The following KDM5B variants were observed in gnomAD, a reference collection of about 807,000 sequenced individuals.
The protein encoded by KDM5B is lysine demethylase 5B.
KDM5B carries 144 observed loss-of-function variants against 193.4 expected under a neutral mutation model. The ratio of observed to expected loss-of-function variants is 0.74; its 90% CI spans 0.65 to 0.86. The LOEUF (loss-of-function observed/expected upper bound fraction) is 0.86. Ranked by LOEUF, KDM5B falls within the 40% of genes least tolerant of loss-of-function variation. KDM5B has a pLI of 0.00. For synonymous variants in KDM5B, 668 were observed against 682.6 expected (o/e 0.98, Z 0.33); for missense variants, 1,833 against 1,886.9 (o/e 0.97, Z 0.53).
chr1:202,732,041 G>GGA, intron 23 of KDM5B, 102 bp from the exon 24 acceptor site: 1 of 548,212 alleles, frequency 1.8e-6, no homozygotes, highest in Non-Finnish European at 3.1e-6. Flanking sequence ...GGCAACCAGG[G>GGA]GAAAAAAAAA....
Position 202,728,936 on chromosome 1 carries a change from G to A in KDM5B, c.*100C>T. 7.3e-7 allele frequency: 1 copy of A among 1,364,430 alleles called. No individual in the cohort carries two copies. Among genetic ancestry groups the A allele is most frequent in the Non-Finnish European group, 1.0e-6 (1 of 965,452 alleles). The allele number at this position is 1,364,430 out of a possible 1,614,324, so 84.5% of individuals were successfully genotyped here. On this transcript the variant is annotated 3_prime_UTR_variant, in exon 27 of 27. Coordinates refer to ENST00000367265, the MANE Select transcript of KDM5B (RefSeq NM_006618.5). ...ATAGAAATAGCACCGTTTACAGGCT[G>A]GCTTGAGTACCAGTCCTGTAGCTTT...
At chr1:202,758,667 G>GT (rs1452777023) in intron 8 of KDM5B, among the ~76,000 whole-genome samples, 157 bp from the exon 9 acceptor site, 3 of 152,106 alleles carry the variant, frequency 2.0e-5, no homozygotes, top group African/African-American at 7.2e-5. Context: ...GAAAAATGTG[G>GT]TTATTTTAAT....
At chr1:202,790,572 T>A (rs1391130525) in intron 1 of KDM5B, among the ~76,000 whole-genome samples, 1 of 151,608 alleles carries the variant, frequency 6.6e-6, no homozygotes, top group African/African-American at 2.4e-5. Flanking sequence ...ATACAAAAAT[T>A]AGCTGGGCGT....
At chr1:202,751,106 C>G (rs1373352715) in intron 12 of KDM5B, among the ~76,000 whole-genome samples, 1 of 152,100 alleles carries the variant, frequency 6.6e-6, no homozygotes, top group East Asian at 1.9e-4. Flanking sequence ...GTAGCATCTT[C>G]TACCACCAAT....
rs765825185 is a variant in KDM5B, at chr1:202,753,008, A to G, written c.1598T>C (p.Val533Ala). 6.2e-7 allele frequency: 1 copy of G among 1,614,130 alleles called. No individual in the cohort carries two copies. The highest frequency in any genetic ancestry group is 8.5e-7 in the Non-Finnish European group (1 of 1,179,996). The change falls in exon 12 of 27, where the codon GTA becomes GCA. Residue 533 changes from valine (V) to alanine (A), a missense_variant. Physicochemically the swap from Val to Ala is moderately conservative, Grantham distance 64. Around this residue, in one of 3 missense-constraint regions of KDM5B, gnomAD observed 1,379 missense variants for 1,349.6 expected, o/e 1.02. Transcript: ENST00000367265. The part of the protein sequence containing the change: ...PGYAAEQLEN[V>A]MKKLAPELFV... ...GAGTTCTGGAGCTAGTTTCTTCATT[A>G]CATTTTCTAGCTGCTCAGCAGCATA...
chr1:202,749,158 A>G lies in KDM5B; in HGVS notation c.1822-19T>C. 6.3e-7 allele frequency: 1 copy of G among 1,595,296 alleles called. No individual in the cohort carries two copies. The highest frequency in any genetic ancestry group is 1.1e-5 in the South Asian group (1 of 88,524). ...ATGGCAGCTGTATCAAAACACGGAA[A>G]GAAAAAAATAACATTCATCTTTCTT... On this transcript the variant is annotated intron_variant, in intron 13 of 26. Transcript: ENST00000367265.
In KDM5B at chr1:202,808,353, G is replaced by A. The variant is rs1658404015; in HGVS notation, c.-48C>T. ...AGGCGAAGGTGGGCTCCGGGACCGA[G>A]GCTGCGAGCTCCGCTCGGTCCGAGA... On this transcript the variant is annotated 5_prime_UTR_variant, in exon 1 of 27. Transcript: ENST00000367265. 2 of 1,490,042 alleles carry A rather than the reference G, an allele frequency of 1.3e-6. No individual in the cohort carries two copies. Among genetic ancestry groups the A allele is most frequent in the South Asian group, 1.3e-5 (1 of 76,584 alleles). The allele number at this position is 1,490,042 out of a possible 1,614,324, so 92.3% of individuals were successfully genotyped here.
intron 4 of KDM5B, among the ~76,000 whole-genome samples, chr1:202,771,771 A>G (rs1322764416): frequency 6.6e-6 from 1 of 151,408 alleles, no homozygotes. Context: ...TAGTGGAGAC[A>G]GGGTTTCACC....
intron 21 of KDM5B, 109 bp from the exon 22 acceptor site, chr1:202,735,696 G>A: frequency 9.9e-7 from 1 of 1,011,346 alleles, no homozygotes; most frequent in Admixed American, 2.4e-5. Flanking sequence ...GCATTTCTTA[G>A]TATTGAAGAT....
chr1:202,776,883 G>A (rs1656979649), intron 2 of KDM5B, 134 bp downstream of exon 2: 1 of 687,810 alleles, frequency 1.5e-6, no homozygotes, highest in South Asian at 1.8e-5. Flanking sequence ...AGAAAGAAAT[G>A]TTCTTATTTG....
intron 22 of KDM5B, 48 bp from the exon 23 acceptor site, chr1:202,733,934 T>C: frequency 6.4e-7 from 1 of 1,556,528 alleles, no homozygotes; most frequent in South Asian, 1.2e-5. Context: ...TGGCTTGGCC[T>C]TCCCCTAAAA....
chr1:202,766,259 A>C, intron 5 of KDM5B: 1 of 234,506 alleles, frequency 4.3e-6, no homozygotes, highest in Non-Finnish European at 8.5e-6. Context: ...TAATCCCAGC[A>C]CTTTGGGAGG....
chr1:202,771,256 G>C (rs975963732), intron 4 of KDM5B, among the ~76,000 whole-genome samples: 1 of 152,084 alleles, frequency 6.6e-6, no homozygotes, highest in Non-Finnish European at 1.5e-5. Context: ...GTCTCATTCT[G>C]AGTCTCATTC....
At chr1:202,748,826 A>T in intron 14 of KDM5B, 119 bp downstream of exon 14, 1 of 779,474 alleles carries the variant, frequency 1.3e-6, no homozygotes. Flanking sequence ...TACATCTATT[A>T]CAATGGCCTC....
Position 202,777,104 on chromosome 1 carries a change from A to G in KDM5B, c.205-10T>C, listed in dbSNP as rs757451131. ...ATGGTGGCTGCCAATCCTAGGAGAA[A>G]GCAAAGGCTCTTATTAGAATAACTT... On this transcript the variant is annotated splice_polypyrimidine_tract_variant and intron_variant, in intron 1 of 26. Transcript: ENST00000367265. The G allele has an allele frequency of 6.2e-6, 10 of 1,605,020 alleles. No homozygotes were observed. Among genetic ancestry groups the G allele is most frequent in the East Asian group, 2.2e-5 (1 of 44,804 alleles).
chr1:202,763,053 T>C (rs1327557008), intron 6 of KDM5B, among the ~76,000 whole-genome samples: 6 of 152,242 alleles, frequency 3.9e-5, no homozygotes, highest in Admixed American at 3.9e-4. Flanking sequence ...CTCAGGTTTG[T>C]ATGCTTTCAA....
rs748511684 is a variant in KDM5B, at chr1:202,764,123, G to A, written c.734C>T (p.Pro245Leu). Residue 245 changes from proline to leucine, a missense_variant, in exon 6 of 27, where the codon CCC becomes CTC. Physicochemically the swap from Pro to Leu is moderately conservative, Grantham distance 98 (BLOSUM62 -3). This residue lies in a region of KDM5B where 355 missense variants were observed against 374.9 expected (regional missense o/e 0.95). Transcript: ENST00000367265. ...RAEAMNIKIE[P>L]EETTEARTHN... Reference sequence around the variant, plus strand: ...AGTTCTGGCTTCCGTTGTCTCCTCGGGTTCTATTTTAATATTCATGGCCTT... The same window carrying A: ...AGTTCTGGCTTCCGTTGTCTCCTCGAGTTCTATTTTAATATTCATGGCCTT... 6.4e-7 allele frequency: 1 copy of A among 1,562,882 alleles called. No homozygotes were observed.
chr1:202,746,945 A>G (rs1174833482), intron 14 of KDM5B, among the ~76,000 whole-genome samples: 1 of 152,192 alleles, frequency 6.6e-6, no homozygotes, highest in East Asian at 1.9e-4. Context: ...AAGGTCTTGA[A>G]CCAGTAAATT....
At chr1:202,785,167 C>T (rs1234797871) in intron 1 of KDM5B, among the ~76,000 whole-genome samples, 1 of 152,124 alleles carries the variant, frequency 6.6e-6, no homozygotes, top group Non-Finnish European at 1.5e-5. Context: ...ATACAAAAAG[C>T]GCTGCAACCT....
Sources: gnomAD v4.1 joint callset for allele counts (sites outside exome capture counted in the v4.1 genomes callset) on GRCh38, gnomAD v4.1.1 for gene constraint, gnomAD v4.1.1 regional missense constraint, MANE v1.5 for transcripts, NCBI Gene and HGNC (gene_info 2026-07-23, HGNC 2026-07-21) for gene names.